The following CLGN variants were observed in gnomAD, a reference collection of about 807,000 sequenced individuals.
CLGN encodes the protein calmegin, also known as testis tissue sperm-binding protein Li 79P.
A neutral mutation model predicts 79.1 loss-of-function variants in CLGN; 62 were observed. The ratio of observed to expected loss-of-function variants is 0.78; its 90% CI spans 0.64 to 0.97. The LOEUF is 0.97. Among genes scored for constraint, CLGN ranks in the 50% least tolerant of loss-of-function variants. CLGN has a pLI of 0.00. For synonymous variants in CLGN, 225 were observed against 224.7 expected, an observed-to-expected ratio of 1.00 and a Z score of -0.01; for missense variants, 647 against 715.5, an observed-to-expected ratio of 0.90 and a Z score of 1.09.
chr4:140,389,192 C>T lies in CLGN; in HGVS notation c.*32G>A. On this transcript the variant is annotated 3_prime_UTR_variant, in exon 15 of 15. Transcript: ENST00000325617. Reference sequence around the variant, plus strand: ...GCTGATTTTTACAATGCCAAACATCCCTCTCGGGAATTAAAAATATTTCAA... The same window carrying T: ...GCTGATTTTTACAATGCCAAACATCTCTCTCGGGAATTAAAAATATTTCAA... 1.3e-6 allele frequency: 2 copies of T among 1,562,614 alleles called. No homozygotes were observed. The highest frequency in any genetic ancestry group is 1.8e-6 in the Non-Finnish European group (2 of 1,134,622).
At chr4:140,418,767 A>G (rs13110668) in intron 1 of CLGN, among the ~76,000 whole-genome samples, 87,992 of 148,154 alleles carry the variant, frequency 0.59, 27,108 homozygotes, top group Non-Finnish European at 0.7. Flanking sequence ...ACTGTAAACT[A>G]GTTCAACCAT....
At chr4:140,427,283 A>G (rs16998464) in intron 1 of CLGN, among the ~76,000 whole-genome samples, 138,711 of 152,164 alleles carry the variant, frequency 0.91, 63,552 homozygotes, top group East Asian at 0.99. Context: ...GGCGGTGCTG[A>G]AGACACAAAG....
chr4:140,389,903 C>T (rs189790034), intron 14 of CLGN, among the ~76,000 whole-genome samples: 6 of 151,908 alleles, frequency 3.9e-5, no homozygotes, highest in Admixed American at 3.3e-4. Flanking sequence ...GTACTTTTAT[C>T]CTACCTACAT....
chr4:140,408,757 T>A (rs1583174), intron 4 of CLGN, among the ~76,000 whole-genome samples: 19,360 of 151,394 alleles, frequency 0.13, 1,380 homozygotes, highest in East Asian at 0.23. Flanking sequence ...GAAAACAGCA[T>A]GGAGGTTTAT....
intron 6 of CLGN, 41 bp downstream of exon 6, chr4:140,401,944 T>G (rs758523475): frequency 9.3e-7 from 1 of 1,080,204 alleles, no homozygotes. Flanking sequence ...AAAATACTTA[T>G]TAACTTTAAT....
chr4:140,392,126 TAAAC>T (rs1728783698), intron 13 of CLGN, 89 bp downstream of exon 13: 26 of 1,373,480 alleles, frequency 1.9e-5, no homozygotes, highest in Non-Finnish European at 2.6e-5. Context: ...AACTTGATAA[TAAAC>T]AAGTATAATA....
intron 13 of CLGN, 26 bp downstream of exon 13, chr4:140,392,193 A>G: frequency 2.5e-6 from 4 of 1,607,902 alleles, no homozygotes; most frequent in Non-Finnish European, 3.4e-6. Flanking sequence ...CAGAGTCTCC[A>G]TTATAAATCA....
intron 1 of CLGN, among the ~76,000 whole-genome samples, chr4:140,424,444 A>G (rs559233213): frequency 6.6e-6 from 1 of 152,246 alleles, no homozygotes; most frequent in African/African-American, 2.4e-5. Context: ...TATCCTGGAG[A>G]ATGTTCTATG....
At chr4:140,417,601 A>G (rs1729368294) in intron 1 of CLGN, among the ~76,000 whole-genome samples, 1 of 148,464 alleles carries the variant, frequency 6.7e-6, no homozygotes. Flanking sequence ...CCCATTCACA[A>G]TTGCTTCAAA....
Position 140,396,213 on chromosome 4 carries a change from T to C in CLGN, c.885-8A>G, listed in dbSNP as rs1728871548. 2 of 1,582,274 alleles carry C rather than the reference T, an allele frequency of 1.3e-6. No homozygotes were observed. The highest frequency in any genetic ancestry group is 1.7e-6 in the Non-Finnish European group (2 of 1,151,208). ...GCAGGTTCACTTTCATCCCTGTAAA[T>C]ACAACGTTTTATATTACTAATTATT... On this transcript the variant is annotated splice_polypyrimidine_tract_variant and splice_region_variant and intron_variant, in intron 8 of 14. Coordinates refer to ENST00000325617, the MANE Select transcript of CLGN (RefSeq NM_004362.3).
intron 8 of CLGN, 24 bp from the exon 9 acceptor site, chr4:140,396,229 A>C (rs1162379388): frequency 6.5e-7 from 1 of 1,530,042 alleles, no homozygotes; most frequent in Non-Finnish European, 9.1e-7. Context: ...GTTTTATATT[A>C]CTAATTATTC....
rs1442108553 is a variant in CLGN, at chr4:140,415,067, T to A, written c.-9-1980A>T. On this transcript the variant is annotated intron_variant, in intron 1 of 14. Coordinates refer to ENST00000325617, the MANE Select transcript of CLGN (RefSeq NM_004362.3). Reference sequence around the variant, plus strand: ...TATTCAACATTCTTAAAGACAAGAATTTTCAACCCAGAATTTCATATCCAG... The same window carrying A: ...TATTCAACATTCTTAAAGACAAGAAATTTCAACCCAGAATTTCATATCCAG... Among the ~76,000 whole-genome samples, 14 of 152,100 alleles carry A rather than the reference T, an allele frequency of 9.2e-5. No individual in the cohort carries two copies. The East Asian group carries it at 2.3e-3, about 25-fold the overall frequency.
chr4:140,400,631 G>T, intron 6 of CLGN, 82 bp from the exon 7 acceptor site: 1 of 826,702 alleles, frequency 1.2e-6, no homozygotes, highest in Non-Finnish European at 1.9e-6. Flanking sequence ...AATGGGTAGA[G>T]TTTACAAAAA....
intron 1 of CLGN, among the ~76,000 whole-genome samples, chr4:140,415,527 C>T (rs1366246388): frequency 2.6e-5 from 4 of 151,596 alleles, no homozygotes; most frequent in Admixed American, 6.6e-5. Flanking sequence ...AAATGAAAAA[C>T]AAAAAAAGGC....
chr4:140,400,779 G>T (rs1460691196), intron 6 of CLGN, among the ~76,000 whole-genome samples: 1 of 152,090 alleles, frequency 6.6e-6, no homozygotes, highest in Admixed American at 6.6e-5. Flanking sequence ...GACAGAAGCT[G>T]AAAATACTCT....
intron 4 of CLGN, among the ~76,000 whole-genome samples, chr4:140,408,239 C>T (rs1000633192): frequency 1.3e-5 from 2 of 151,818 alleles, no homozygotes; most frequent in Admixed American, 6.6e-5. Context: ...GAAGATAACA[C>T]CAGAAAAACT....
rs2567241 is a variant in CLGN, at chr4:140,402,008, C to A, written c.478G>T (p.Ala160Ser). ...DCGGAYIKLL[A>S]DTDDLILENF... Reference sequence around the variant, plus strand: ...ACCAGAATCAAATCATCAGTGTCTGCTAGGAGTTTAATGTATGCACCTCCA... The same window carrying A: ...ACCAGAATCAAATCATCAGTGTCTGATAGGAGTTTAATGTATGCACCTCCA... Residue 160 changes from alanine to serine, a missense_variant, in exon 6 of 15, where the codon GCA (alanine) becomes TCA (serine). By Grantham distance (99) the Ala-to-Ser change is moderately conservative (BLOSUM62 1). Coordinates refer to ENST00000325617, the MANE Select transcript of CLGN (RefSeq NM_004362.3). The A allele has an allele frequency of 0.046, 72,333 of 1,571,392 alleles. 2,154 individuals carry two copies. The highest frequency in any genetic ancestry group is 0.11 in the Middle Eastern group (637 of 5,944).
chr4:140,424,201 G>A (rs763216693), intron 1 of CLGN, among the ~76,000 whole-genome samples: 1 of 151,898 alleles, frequency 6.6e-6, no homozygotes, highest in Non-Finnish European at 1.5e-5. Flanking sequence ...ATAAGTTTTG[G>A]TATCTTTTGT....
chr4:140,414,007 T>C (rs893732173), intron 1 of CLGN, among the ~76,000 whole-genome samples: 1 of 152,218 alleles, frequency 6.6e-6, no homozygotes, highest in Non-Finnish European at 1.5e-5. Flanking sequence ...CAGCTGGAGA[T>C]CTGAGAACGG....
Sources: gnomAD v4.1 joint callset for allele counts (sites outside exome capture counted in the v4.1 genomes callset) on GRCh38, gnomAD v4.1.1 for gene constraint, MANE v1.5 for transcripts, NCBI Gene and HGNC (gene_info 2026-07-23, HGNC 2026-07-21) for gene names.